The following DOCK3 variants were observed in gnomAD, a reference collection of about 807,000 sequenced individuals.
The protein encoded by DOCK3 is dedicator of cytokinesis protein 3.
A neutral mutation model predicts 265.6 loss-of-function variants in DOCK3; 60 were observed. That is an observed-to-expected ratio of 0.23 (90% CI 0.18 to 0.28). The LOEUF (loss-of-function observed/expected upper bound fraction) is 0.28, where lower values mean the gene tolerates loss of function less well. DOCK3 is among the 10% of genes least tolerant of loss of function. DOCK3 has a pLI of 1.00. For missense variants in DOCK3, 1,981 were observed against 2,594.3 expected (o/e 0.76, Z 5.14); for synonymous variants, 881 against 938.0 (o/e 0.94, Z 1.11).
At chr3:51,326,900 C>T (rs916374906) in intron 32 of DOCK3, among the ~76,000 whole-genome samples, 10 of 152,140 alleles carry the variant, frequency 6.6e-5, no homozygotes, top group Admixed American at 4.6e-4. Flanking sequence ...GCTGGGGTTA[C>T]AGGCATGACC....
At chr3:51,059,180 G>A (rs142856591) in intron 5 of DOCK3, among the ~76,000 whole-genome samples, 29 of 152,208 alleles carry the variant, frequency 1.9e-4, no homozygotes, top group African/African-American at 5.5e-4. Flanking sequence ...AACATACGGT[G>A]TTTGTTTTTC....
At chr3:50,707,115 T>C (rs1576175203) in intron 1 of DOCK3, among the ~76,000 whole-genome samples, 1 of 152,130 alleles carries the variant, frequency 6.6e-6, no homozygotes, top group Non-Finnish European at 1.5e-5. Flanking sequence ...GAGTAAAAGC[T>C]CCCTGAGGCC....
At chr3:51,064,715 A>T in intron 6 of DOCK3, 119 bp downstream of exon 6, 2 of 1,287,914 alleles carry the variant, frequency 1.6e-6, no homozygotes, top group Non-Finnish European at 2.1e-6. Context: ...TATATTCTTC[A>T]CTAAGCTTTC....
chr3:51,353,622 A>G (rs540706610), intron 40 of DOCK3, among the ~76,000 whole-genome samples: 1 of 152,086 alleles, frequency 6.6e-6, no homozygotes, highest in South Asian at 2.1e-4. Flanking sequence ...CAAAAAAACA[A>G]AAAAACAATA....
At chr3:50,933,685 T>C (rs149391498) in intron 4 of DOCK3, among the ~76,000 whole-genome samples, 108 of 152,228 alleles carry the variant, frequency 7.1e-4, no homozygotes, top group African/African-American at 2.5e-3. Flanking sequence ...GTATCATGGT[T>C]TTTCATTGAA....
At chr3:50,706,114 T>G (rs2036398286) in intron 1 of DOCK3, among the ~76,000 whole-genome samples, 1 of 152,130 alleles carries the variant, frequency 6.6e-6, no homozygotes, top group Admixed American at 6.6e-5. Flanking sequence ...GCTTCTCCTT[T>G]GCCTTCTGCC....
intron 27 of DOCK3, among the ~76,000 whole-genome samples, chr3:51,295,082 G>T (rs537855834): frequency 6.6e-6 from 1 of 152,156 alleles, no homozygotes; most frequent in Non-Finnish European, 1.5e-5. Context: ...TGGTATAAAG[G>T]ACAAAACCAC....
chr3:51,201,979 A>G lies in DOCK3; in HGVS notation c.1038-6795A>G, dbSNP rs1456800521. ...AAGATGTTCTTTGAAACCAATGAGA[A>G]CAAAGACACAACATACCAGAATCTC... is the stretch of plus-strand genomic sequence containing the variant. On this transcript the variant is annotated intron_variant, in intron 12 of 52. Transcript: ENST00000266037. 7.2e-5 allele frequency among the ~76,000 whole-genome samples: 11 copies of G among 152,360 alleles called. No individual in the cohort carries two copies. The East Asian group carries it at 2.1e-3, about 29-fold the overall frequency.
intron 5 of DOCK3, among the ~76,000 whole-genome samples, chr3:51,051,474 A>G (rs184439542): frequency 5.3e-5 from 8 of 152,330 alleles, no homozygotes; most frequent in Admixed American, 4.6e-4. Flanking sequence ...CAGAGCCCTT[A>G]CTAGGTACTA....
At chr3:51,154,695 G>A (rs4256170) in intron 10 of DOCK3, among the ~76,000 whole-genome samples, 2,091 of 152,304 alleles carry the variant, frequency 0.014, 23 homozygotes, top group Non-Finnish European at 0.023. Context: ...CTGCGTGCAT[G>A]TACTGTCTTT....
rs1169813222 is a variant in DOCK3 at position 51,040,386 on chromosome 3, A to T, written c.316-24062A>T. Among the ~76,000 whole-genome samples the T allele has an allele frequency of 2.0e-5, 3 of 152,204 alleles. No homozygotes were observed. The East Asian group carries it at 5.8e-4, about 29-fold the overall frequency. On this transcript the variant is annotated intron_variant, in intron 5 of 52. Transcript: ENST00000266037. Reference sequence around the variant, plus strand: ...ATATTTTGGTTTCCTAATGAATATAAAAATTATGCTGAAACTATACATACC... The same window carrying T: ...ATATTTTGGTTTCCTAATGAATATATAAATTATGCTGAAACTATACATACC...
chr3:51,292,847 T>C (rs1049491438), intron 27 of DOCK3, among the ~76,000 whole-genome samples: 5 of 148,998 alleles, frequency 3.4e-5, no homozygotes, highest in Non-Finnish European at 4.4e-5. Flanking sequence ...CCAGCTAATT[T>C]TTTTGTATTT....
intron 51 of DOCK3, 128 bp from the exon 52 acceptor site, chr3:51,379,997 T>A: frequency 1.4e-6 from 1 of 728,300 alleles, no homozygotes; most frequent in South Asian, 2.1e-5. Flanking sequence ...GGTTTATCCA[T>A]AGCCCTCAAT....
intron 2 of DOCK3, among the ~76,000 whole-genome samples, chr3:50,786,398 T>G (rs895185597): frequency 1.3e-5 from 2 of 152,194 alleles, no homozygotes; most frequent in Non-Finnish European, 2.9e-5. Context: ...CAAGGTCGTC[T>G]TCTTGTTTAT....
At chr3:51,269,133 C>CTA (rs1181268979) in intron 23 of DOCK3, among the ~76,000 whole-genome samples, 87 of 146,506 alleles carry the variant, frequency 5.9e-4, no homozygotes, top group South Asian at 1.7e-3. Context: ...CTCTCTCTCT[C>CTA]TCTCTATATA....
intron 31 of DOCK3, among the ~76,000 whole-genome samples, chr3:51,314,761 G>A (rs777992500): frequency 6.6e-6 from 1 of 152,212 alleles, no homozygotes; most frequent in Non-Finnish European, 1.5e-5. Flanking sequence ...TGGAAAAGCA[G>A]TTTTGTGACA....
intron 5 of DOCK3, among the ~76,000 whole-genome samples, chr3:51,045,481 C>A (rs888537841): frequency 6.6e-6 from 1 of 152,006 alleles, no homozygotes; most frequent in African/African-American, 2.4e-5. Context: ...CAAGAATTAC[C>A]AGAATTCCAG....
intron 1 of DOCK3, among the ~76,000 whole-genome samples, chr3:50,754,817 CCAA>C (rs1477270050): frequency 1.3e-5 from 2 of 152,062 alleles, no homozygotes; most frequent in African/African-American, 4.8e-5. Context: ...CCTCGGCCTC[CCAA>C]AGTGCTGAGA....
chr3:50,973,983 G>C (rs1415909308), intron 5 of DOCK3, among the ~76,000 whole-genome samples: 1 of 147,622 alleles, frequency 6.8e-6, no homozygotes, highest in African/African-American at 2.5e-5. Flanking sequence ...TTTTGATGGG[G>C]TTGTTTGTTT....
Sources: allele counts gnomAD v4.1 joint callset (sites outside exome capture counted in the v4.1 genomes callset), GRCh38; gene constraint gnomAD v4.1.1; transcripts MANE v1.5; gene names NCBI Gene and HGNC (gene_info 2026-07-23, HGNC 2026-07-21).